The following PITPNM2 variants were observed in gnomAD, a reference collection of about 807,000 sequenced individuals.
The protein encoded by PITPNM2 is phosphatidylinositol transfer protein membrane associated 2.
Under a neutral mutation model 132.2 loss-of-function variants are expected in PITPNM2, and 35 were observed. That is an observed-to-expected ratio of 0.26 (90% confidence interval 0.20 to 0.35). The LOEUF (loss-of-function observed/expected upper bound fraction) is 0.35. PITPNM2 is among the 10% of genes least tolerant of loss of function. PITPNM2 has a pLI of 1.00. For synonymous variants in PITPNM2, 738 were observed against 799.2 expected (o/e 0.92, Z 1.29); for missense variants, 1,332 against 1,912.0 (o/e 0.70, Z 5.66).
intron 1 of PITPNM2, among the ~76,000 whole-genome samples, chr12:123,139,146 A>C (rs1167424646): frequency 6.6e-6 from 1 of 152,134 alleles, no homozygotes; most frequent in African/African-American, 2.4e-5. Flanking sequence ...AAAAATAAAT[A>C]AATAAATAAT....
chr12:123,019,372 C>A (rs992331802), intron 3 of PITPNM2, among the ~76,000 whole-genome samples: 5 of 152,194 alleles, frequency 3.3e-5, no homozygotes, highest in African/African-American at 1.2e-4. Flanking sequence ...GAATCATAAA[C>A]TTTTCTGTAT....
At chr12:123,035,661 C>T (rs2040242846) in intron 2 of PITPNM2, among the ~76,000 whole-genome samples, 1 of 149,260 alleles carries the variant, frequency 6.7e-6, no homozygotes, top group African/African-American at 2.5e-5. Context: ...AGTGAAACTC[C>T]GTCTCAAAAA....
At chr12:122,990,898 G>A (rs2038159914) in intron 16 of PITPNM2, among the ~76,000 whole-genome samples, 189 bp from the exon 17 acceptor site, 1 of 152,186 alleles carries the variant, frequency 6.6e-6, no homozygotes, top group Admixed American at 6.5e-5. Flanking sequence ...GAGGAGGGCT[G>A]GGGCAGGGTG....
At chr12:123,012,442 C>T (rs2039248822) in intron 5 of PITPNM2, among the ~76,000 whole-genome samples, 171 bp downstream of exon 5, 1 of 152,228 alleles carries the variant, frequency 6.6e-6, no homozygotes. Context: ...GCTGAGAAGG[C>T]CTGCCCTGCC....
intron 5 of PITPNM2, among the ~76,000 whole-genome samples, chr12:123,011,899 C>T (rs1044306107): frequency 6.6e-6 from 1 of 152,112 alleles, no homozygotes; most frequent in African/African-American, 2.4e-5. Context: ...CGCTTTGTTT[C>T]GCAGACCCAG....
At chr12:123,113,138 C>T (rs566446402) in intron 1 of PITPNM2, among the ~76,000 whole-genome samples, 2 of 152,262 alleles carry the variant, frequency 1.3e-5, no homozygotes, top group South Asian at 2.1e-4. Context: ...GACGTCCACA[C>T]GTCTCAGGCT....
Position 122,988,710 on chromosome 12 carries a change from C to G in PITPNM2, c.2880+14G>C. 1 of 1,552,360 alleles carries G rather than the reference C, an allele frequency of 6.4e-7. No individual in the cohort carries two copies. Among genetic ancestry groups the G allele is most frequent in the Non-Finnish European group, 8.7e-7 (1 of 1,147,262 alleles). On this transcript the variant is annotated intron_variant, in intron 19 of 25. Transcript: ENST00000320201. ...CACTCAGGGCCCTCCTGGGAGGTCCCAGGCCCCGGGTACCTGTCTCAGCAG... is the reference window on the plus strand; with the variant it reads ...CACTCAGGGCCCTCCTGGGAGGTCCGAGGCCCCGGGTACCTGTCTCAGCAG...
rs111883963 is a variant in PITPNM2, at chr12:123,005,951, A to T, written c.644-403T>A. 17 of 147,206 alleles carry T rather than the reference A, an allele frequency of 1.2e-4. No individual in the cohort carries two copies. The highest frequency in any genetic ancestry group is 2.1e-4 in the South Asian group (1 of 4,758). 9.1% of individuals were successfully genotyped at this position (147,206 alleles called of 1,614,324 possible). ...TGTCTCTATAAAAAAAAAAAAAATT[A>T]AAAAAAAAAATTAGCTGAGCATGCT... On this transcript the variant is annotated intron_variant, in intron 6 of 25. Transcript: ENST00000320201. The surrounding 1 kb of genome is among the most constrained non-coding windows in gnomAD (Gnocchi z 6.2).
intron 2 of PITPNM2, among the ~76,000 whole-genome samples, chr12:123,039,770 T>C (rs1402188895): frequency 6.6e-6 from 1 of 152,134 alleles, no homozygotes. Flanking sequence ...TGTGTGATGC[T>C]GAGAGTGGGG....
At chr12:123,024,300 T>C (rs1021351021) in intron 3 of PITPNM2, among the ~76,000 whole-genome samples, 2 of 152,162 alleles carry the variant, frequency 1.3e-5, no homozygotes, top group Admixed American at 1.3e-4. Context: ...TGTGGAGCAA[T>C]GGAACCCTCG....
At chr12:122,997,933 CT>C (rs2038500731) in intron 10 of PITPNM2, among the ~76,000 whole-genome samples, 1 of 152,196 alleles carries the variant, frequency 6.6e-6, no homozygotes, top group Non-Finnish European at 1.5e-5. Context: ...GCAGTGGCTT[CT>C]GGGGCTTCCA....
chr12:123,066,221 G>A (rs1221729267), intron 2 of PITPNM2, among the ~76,000 whole-genome samples: 2 of 152,210 alleles, frequency 1.3e-5, no homozygotes, highest in Admixed American at 1.3e-4. Flanking sequence ...GCTGGATGCA[G>A]GCAGACAGCC....
rs569871655 is a variant in PITPNM2, at chr12:123,078,315, C to T, written c.-96+32070G>A. Among the ~76,000 whole-genome samples the T allele has an allele frequency of 2.6e-5, 4 of 152,202 alleles. No homozygotes were observed. Among genetic ancestry groups the T allele is most frequent in the Admixed American group, 6.5e-5 (1 of 15,290 alleles). ...AGGCCTCAGGGTCCAGGTGGCCAGG[C>T]GGGGAGGGGTACCGGCCAGACCGGT... On this transcript the variant is annotated intron_variant, in intron 2 of 25. Coordinates refer to ENST00000320201, the MANE Select transcript of PITPNM2 (RefSeq NM_020845.3). This position sits in a 1 kb window ranked among gnomAD's most constrained non-coding sequence, Gnocchi z 7.3.
At position 122,986,042 on chromosome 12, in the gene PITPNM2, G is replaced by A. The variant is rs1044073558; in HGVS notation, c.4035C>T (p.Ala1345=). The A allele has an allele frequency of 8.1e-5, 114 of 1,405,210 alleles. No homozygotes were observed. The highest frequency in any genetic ancestry group is 1.2e-4 in the East Asian group (4 of 33,966). 87.0% of individuals were successfully genotyped at this position (1,405,210 alleles called of 1,614,324 possible). A position where few individuals can be genotyped will look rare whatever the true frequency, so the allele number is the denominator to read the frequency against. ...TCACGGTGCCCTACTTGGGGCCCGC[G>A]GCTGCCCCCGGCTCCAGGCGGCCAG... ...AMTGRLEPGA[A]AGPK Residue 1345 remains alanine, a synonymous_variant, in exon 26 of 26, where the codon GCC becomes GCT. Transcript: ENST00000320201.
chr12:123,105,742 T>C (rs1354299605), intron 2 of PITPNM2, among the ~76,000 whole-genome samples: 2 of 152,040 alleles, frequency 1.3e-5, no homozygotes, highest in Non-Finnish European at 2.9e-5. Flanking sequence ...GTGCACTGGA[T>C]ACCCACCATG....
At chr12:122,998,386 C>T (rs1278684081) in intron 10 of PITPNM2, among the ~76,000 whole-genome samples, 1 of 152,172 alleles carries the variant, frequency 6.6e-6, no homozygotes, top group Non-Finnish European at 1.5e-5. Flanking sequence ...CTGCTCCAGG[C>T]TGGGGGACTG....
At chr12:123,033,776 G>T (rs2040175368) in intron 3 of PITPNM2, among the ~76,000 whole-genome samples, 1 of 152,114 alleles carries the variant, frequency 6.6e-6, no homozygotes, top group Non-Finnish European at 1.5e-5. Flanking sequence ...GCCTTTGGGT[G>T]GTAATCAGGG....
chr12:123,014,504 G>C (rs1186082743), intron 3 of PITPNM2, among the ~76,000 whole-genome samples: 1 of 152,218 alleles, frequency 6.6e-6, no homozygotes, highest in East Asian at 1.9e-4. Context: ...AGGAGTTTGA[G>C]ACCAGCCTGG....
Position 123,004,004 on chromosome 12 carries a change from G to A in PITPNM2, c.1048+390C>T, listed in dbSNP as rs1331940885. On this transcript the variant is annotated intron_variant, in intron 8 of 25. Transcript: ENST00000320201. This position sits in a 1 kb window ranked among gnomAD's most constrained non-coding sequence, Gnocchi z 4.9. ...TTAGATGTGGTATTAATTTAATCAAGAAGAAATAAGGTAAGTACAAAAAAT... is the reference window on the plus strand; with the variant it reads ...TTAGATGTGGTATTAATTTAATCAAAAAGAAATAAGGTAAGTACAAAAAAT... Among the ~76,000 whole-genome samples, 1 of 152,214 alleles carries A rather than the reference G, an allele frequency of 6.6e-6. No homozygotes were observed. The highest frequency in any genetic ancestry group is 1.5e-5 in the Non-Finnish European group (1 of 68,042).
Sources: gnomAD v4.1 joint callset for allele counts (sites outside exome capture counted in the v4.1 genomes callset) on GRCh38, gnomAD v4.1.1 for gene constraint, Gnocchi (gnomAD v3.1) non-coding constraint, MANE v1.5 for transcripts, NCBI Gene and HGNC (gene_info 2026-07-23, HGNC 2026-07-21) for gene names.